Variants in DLEU7 observed in about 807,000 individuals in gnomAD.
The protein encoded by DLEU7 is leukemia-associated protein 7.
In DLEU7, 17 loss-of-function variants were observed where a neutral mutation model predicts 16.0. That is an observed-to-expected ratio of 1.06 (90% CI 0.73 to 1.59). DLEU7 has a LOEUF of 1.59. Ranked by LOEUF, DLEU7 falls within the 40% of genes most tolerant of loss-of-function variation. The pLI is 0.00. For synonymous variants in DLEU7, 113 were observed against 139.8 expected (o/e 0.81, Z 1.35); for missense variants, 308 against 314.9 (o/e 0.98, Z 0.17).
At chr13:50,756,726 G>C (rs116101604) in intron 1 of DLEU7, among the ~76,000 whole-genome samples, 1 of 152,040 alleles carries the variant, frequency 6.6e-6, no homozygotes, top group Non-Finnish European at 1.5e-5. Flanking sequence ...CCTGATTTCC[G>C]GCCAGGAAGC....
intron 1 of DLEU7, among the ~76,000 whole-genome samples, chr13:50,729,710 C>G (rs1030441043): frequency 3.3e-5 from 5 of 152,240 alleles, no homozygotes; most frequent in Non-Finnish European, 5.9e-5. Flanking sequence ...TATTTTTTGA[C>G]TTTTTAATAA....
chr13:50,727,362 A>G (rs1455057483), intron 1 of DLEU7, among the ~76,000 whole-genome samples: 2 of 152,058 alleles, frequency 1.3e-5, no homozygotes, highest in East Asian at 3.9e-4. Flanking sequence ...GTGTGCATGC[A>G]TTTAGTGGGT....
chr13:50,818,954 C>T (rs1226000617), downstream of DLEU7, among the ~76,000 whole-genome samples: 1 of 152,170 alleles, frequency 6.6e-6, no homozygotes, highest in East Asian at 1.9e-4. Context: ...AATGTAATCA[C>T]ATCTGTTACC....
At chr13:50,842,668 A>T (rs1566271964) in intron 1 of DLEU7, among the ~76,000 whole-genome samples, 1 of 152,126 alleles carries the variant, frequency 6.6e-6, no homozygotes, top group Non-Finnish European at 1.5e-5. Context: ...ACTCTGTAAG[A>T]CCCCTTAGCT....
intron 1 of DLEU7, among the ~76,000 whole-genome samples, chr13:50,714,068 G>A (rs147842163): frequency 6.4e-4 from 98 of 152,326 alleles, no homozygotes; most frequent in African/African-American, 2.1e-3. Flanking sequence ...AACACAGAAA[G>A]GAAGTGGTCA....
chr13:50,753,513 T>C (rs1198004896), intron 1 of DLEU7, among the ~76,000 whole-genome samples: 1 of 152,226 alleles, frequency 6.6e-6, no homozygotes, highest in East Asian at 1.9e-4. Context: ...CCGGCTCTGC[T>C]GGGGGACCCA....
intron 1 of DLEU7, among the ~76,000 whole-genome samples, chr13:50,752,620 T>C (rs1400258207): frequency 6.6e-6 from 1 of 151,262 alleles, no homozygotes; most frequent in Non-Finnish European, 1.5e-5. Flanking sequence ...GGCTCAGGAG[T>C]GAAGCTGCCG....
chr13:50,791,906 A>AT (rs1464049818), intron 1 of DLEU7, among the ~76,000 whole-genome samples: 1 of 152,086 alleles, frequency 6.6e-6, no homozygotes, highest in South Asian at 2.1e-4. Flanking sequence ...CGGTAACAGC[A>AT]TTTTTTTACA....
At chr13:50,712,863 C>T (rs1272865416) in exon 2 of DLEU7, 2 of 254,118 alleles carry the variant, frequency 7.9e-6, no homozygotes. Context: ...GCGACTATAA[C>T]ATCCACTTTT....
chr13:50,823,836 T>C (rs1044622621), intron 1 of DLEU7, among the ~76,000 whole-genome samples: 2 of 152,154 alleles, frequency 1.3e-5, no homozygotes, highest in African/African-American at 4.8e-5. Context: ...ACTGAGGCTA[T>C]TGGAAAATAT....
At chr13:50,816,163 G>A (rs950178746) in intron 1 of DLEU7, among the ~76,000 whole-genome samples, 1 of 151,960 alleles carries the variant, frequency 6.6e-6, no homozygotes, top group African/African-American at 2.4e-5. Context: ...TGGTTTATAT[G>A]ACTGTTCTTT....
At chr13:50,748,018 A>G (rs1874449372) in intron 1 of DLEU7, among the ~76,000 whole-genome samples, 1 of 152,206 alleles carries the variant, frequency 6.6e-6, no homozygotes, top group Non-Finnish European at 1.5e-5. Context: ...TGCTTAACAA[A>G]CACCCAACTA....
chr13:50,839,042 C>T (rs559251069), intron 1 of DLEU7, among the ~76,000 whole-genome samples: 34 of 152,180 alleles, frequency 2.2e-4, no homozygotes, highest in Non-Finnish European at 4.3e-4. Flanking sequence ...TTTGCTATGG[C>T]AAGCAGAGCT....
At chr13:50,737,041 A>G (rs1451675486) in intron 1 of DLEU7, among the ~76,000 whole-genome samples, 1 of 152,154 alleles carries the variant, frequency 6.6e-6, no homozygotes, top group Non-Finnish European at 1.5e-5. Context: ...ATTATCCAAC[A>G]TTTAATGAGT....
Position 50,843,074 on chromosome 13 carries a change from T to C in DLEU7, c.459+114A>G, listed in dbSNP as rs1877723791. 1.9e-6 allele frequency: 2 copies of C among 1,030,958 alleles called. No homozygotes were observed. Among genetic ancestry groups the C allele is most frequent in the South Asian group, 3.9e-5 (2 of 50,704 alleles). The allele number at this position is 1,030,958 out of a possible 1,614,324, so 63.9% of individuals were successfully genotyped here. A position where few individuals can be genotyped will look rare whatever the true frequency, so the allele number is the denominator to read the frequency against. On this transcript the variant is annotated intron_variant, in intron 1 of 1. Coordinates refer to ENST00000504404, the MANE Select transcript of DLEU7 (RefSeq NM_001306135.2). The surrounding 1 kb of genome is among the most constrained non-coding windows in gnomAD (Gnocchi z 5.7). Reference sequence around the variant, plus strand: ...TTCTCCCACTGGGGCTGAATCACAGTGGGCAGCAGTGTTTGGGATCCTGCG... The same window carrying C: ...TTCTCCCACTGGGGCTGAATCACAGCGGGCAGCAGTGTTTGGGATCCTGCG...
intron 1 of DLEU7, among the ~76,000 whole-genome samples, chr13:50,746,889 A>G (rs900389740): frequency 1.3e-5 from 2 of 152,098 alleles, no homozygotes; most frequent in African/African-American, 4.8e-5. Context: ...TTCTAACCAC[A>G]GTTTTCTCCG....
downstream of DLEU7, among the ~76,000 whole-genome samples, chr13:50,818,105 C>T (rs1718230606): frequency 6.6e-6 from 1 of 152,112 alleles, no homozygotes; most frequent in Non-Finnish European, 1.5e-5. Context: ...GAGAAAACAT[C>T]AGATGATGTG....
At chr13:50,823,592 C>A in intron 1 of DLEU7, 72 bp from the exon 2 acceptor site, 5 of 1,497,130 alleles carry the variant, frequency 3.3e-6, no homozygotes, top group South Asian at 1.2e-5. Flanking sequence ...TTTGCTTACC[C>A]AGCTTCCATT....
intron 1 of DLEU7, among the ~76,000 whole-genome samples, chr13:50,797,555 T>G (rs1876137981): frequency 6.6e-6 from 1 of 152,220 alleles, no homozygotes; most frequent in African/African-American, 2.4e-5. Flanking sequence ...GTTAGTTTCT[T>G]CATTGTAATG....
Sources: allele counts gnomAD v4.1 joint callset (sites outside exome capture counted in the v4.1 genomes callset), GRCh38; gene constraint gnomAD v4.1.1; non-coding constraint Gnocchi (gnomAD v3.1); transcripts MANE v1.5; gene names NCBI Gene and HGNC (gene_info 2026-07-23, HGNC 2026-07-21).